Variants in LIMS1 observed in about 807,000 individuals in gnomAD.
The protein encoded by LIMS1 is LIM zinc finger domain containing 1, also known as LIM and senescent cell antigen-like-containing domain protein 1.
A neutral mutation model predicts 44.1 loss-of-function variants in LIMS1; 18 were observed. The ratio of observed to expected loss-of-function variants is 0.41; its 90% CI spans 0.28 to 0.61. The LOEUF (loss-of-function observed/expected upper bound fraction) is 0.61, where lower values mean the gene tolerates loss of function less well. LIMS1 is among the 20% of genes least tolerant of loss of function. The pLI is 0.32. For missense variants in LIMS1, 201 were observed against 422.0 expected (o/e 0.48, Z 4.59); for synonymous variants, 93 against 149.1 (o/e 0.62, Z 2.74).
intron 1 of LIMS1, among the ~76,000 whole-genome samples, chr2:108,622,082 A>G (rs773160130): frequency 6.6e-6 from 1 of 152,210 alleles, no homozygotes; most frequent in Non-Finnish European, 1.5e-5. Context: ...AGGTTCTGAA[A>G]GCCTCTACAA....
chr2:108,635,753 T>C (rs921628713), intron 1 of LIMS1, among the ~76,000 whole-genome samples: 1 of 151,194 alleles, frequency 6.6e-6, no homozygotes, highest in Non-Finnish European at 1.5e-5. Flanking sequence ...GACAGGTTTA[T>C]TATTCTGTAC....
At chr2:108,672,030 G>A (rs1347041981) in intron 3 of LIMS1, among the ~76,000 whole-genome samples, 2 of 152,094 alleles carry the variant, frequency 1.3e-5, no homozygotes, top group African/African-American at 2.4e-5. Flanking sequence ...AGCCGGGCGT[G>A]GTGGCAGGAG....
At chr2:108,617,157 T>C (rs1410720466) in intron 1 of LIMS1, among the ~76,000 whole-genome samples, 1 of 152,230 alleles carries the variant, frequency 6.6e-6, no homozygotes, top group African/African-American at 2.4e-5. Context: ...TGCAGCTTTC[T>C]TAACTCTGTA....
intron 1 of LIMS1, chr2:108,621,586 A>G: frequency 1.4e-6 from 1 of 703,244 alleles, no homozygotes. Context: ...TTAGTCTGTA[A>G]TTAAAAACTG....
intron 1 of LIMS1, among the ~76,000 whole-genome samples, chr2:108,632,735 T>C (rs1417090682): frequency 6.6e-6 from 1 of 152,212 alleles, no homozygotes; most frequent in Non-Finnish European, 1.5e-5. Flanking sequence ...TACAGAGCTG[T>C]ACATGAGTGC....
chr2:108,534,547 G>C, exon 1 of LIMS1: 2 of 1,207,388 alleles, frequency 1.7e-6, no homozygotes, highest in Non-Finnish European at 2.1e-6. Context: ...AGACGGCGGC[G>C]GCCGAAAGCG....
intron 1 of LIMS1, among the ~76,000 whole-genome samples, chr2:108,543,969 G>C (rs1268378547): frequency 6.6e-6 from 1 of 152,064 alleles, no homozygotes; most frequent in Non-Finnish European, 1.5e-5. Context: ...CTTGAGCCTG[G>C]GAGGTTGAGT....
intron 1 of LIMS1, chr2:108,621,179 G>T: frequency 8.3e-7 from 1 of 1,198,788 alleles, no homozygotes; most frequent in Non-Finnish European, 1.1e-6. Context: ...GCTGAGGAGG[G>T]TGTGTACCAG....
intron 2 of LIMS1, among the ~76,000 whole-genome samples, chr2:108,663,767 T>C (rs1047958082): frequency 6.6e-6 from 1 of 151,936 alleles, no homozygotes; most frequent in African/African-American, 2.4e-5. Context: ...ATTTTTATTT[T>C]TTTTGAGACA....
intron 1 of LIMS1, among the ~76,000 whole-genome samples, chr2:108,560,114 G>A (rs918774249): frequency 6.6e-6 from 1 of 152,100 alleles, no homozygotes; most frequent in African/African-American, 2.4e-5. Flanking sequence ...TGGGCCACAG[G>A]GTGGGTGTCC....
chr2:108,584,886 T>G (rs1400839392), intron 1 of LIMS1, among the ~76,000 whole-genome samples: 2 of 152,052 alleles, frequency 1.3e-5, no homozygotes, highest in African/African-American at 4.8e-5. Context: ...GAGCAGTAGC[T>G]CACGCTTGTA....
intron 1 of LIMS1, among the ~76,000 whole-genome samples, chr2:108,589,167 C>T (rs935770539): frequency 6.6e-6 from 1 of 151,202 alleles, no homozygotes; most frequent in African/African-American, 2.4e-5. Flanking sequence ...TATTCATTAA[C>T]ATGTAAAACG....
At chr2:108,652,243 G>A (rs1405822663) in intron 1 of LIMS1, among the ~76,000 whole-genome samples, 1 of 152,222 alleles carries the variant, frequency 6.6e-6, no homozygotes, top group Non-Finnish European at 1.5e-5. Context: ...ATTCAATACA[G>A]AAATTTCTAT....
At position 108,612,047 on chromosome 2, in the gene LIMS1, CACACACATAT is replaced by C. The variant is rs753440130; in HGVS notation, c.33-47556_33-47547del. Among the ~76,000 whole-genome samples the C allele has an allele frequency of 2.2e-4, 20 of 90,522 alleles. 1 individual carries two copies. The highest frequency in any genetic ancestry group is 6.7e-4 in the African/African-American group (13 of 19,264). 59.4% of individuals were successfully genotyped at this position (90,522 alleles called of 152,430 possible). ...ACACATATACACACACACACACACA[CACACACATAT>C]ATATATATATATACATATATATATG... On this transcript the variant is annotated intron_variant, in intron 1 of 9. Transcript: ENST00000544547.
chr2:108,680,919 T>G (rs1160526941), intron 9 of LIMS1, 149 bp downstream of exon 9: 6 of 1,290,560 alleles, frequency 4.6e-6, no homozygotes, highest in Non-Finnish European at 6.3e-6. Context: ...AGGTTCTTCC[T>G]TTAACTGTTC....
chr2:108,544,737 C>T (rs1031493992), intron 1 of LIMS1, among the ~76,000 whole-genome samples: 7 of 152,062 alleles, frequency 4.6e-5, no homozygotes, highest in South Asian at 4.1e-4. Context: ...TCAGGTCATC[C>T]ACCCACTTTG....
At chr2:108,564,190 T>C (rs1193840260) in intron 1 of LIMS1, among the ~76,000 whole-genome samples, 2 of 152,086 alleles carry the variant, frequency 1.3e-5, no homozygotes, top group African/African-American at 2.4e-5. Context: ...CTGCAAAAGA[T>C]AATGACTCGC....
intron 1 of LIMS1, among the ~76,000 whole-genome samples, chr2:108,539,172 C>T (rs1684235864): frequency 6.6e-6 from 1 of 152,218 alleles, no homozygotes; most frequent in African/African-American, 2.4e-5. Context: ...CAGCCTCAAC[C>T]TCCTGGGGTC....
At chr2:108,648,744 A>G (rs1030602650) in intron 1 of LIMS1, among the ~76,000 whole-genome samples, 2 of 152,252 alleles carry the variant, frequency 1.3e-5, no homozygotes, top group Non-Finnish European at 2.9e-5. Context: ...AGGTTTCCCT[A>G]TTTAATAAAT....
Sources: allele counts gnomAD v4.1 joint callset (sites outside exome capture counted in the v4.1 genomes callset), GRCh38; gene constraint gnomAD v4.1.1; transcripts MANE v1.5; gene names NCBI Gene and HGNC (gene_info 2026-07-23, HGNC 2026-07-21).